CD53: variants seen among roughly 807,000 people sequenced by gnomAD.
CD53 encodes the protein leukocyte surface antigen CD53.
A neutral mutation model predicts 27.3 loss-of-function variants in CD53; 20 were observed. The observed-to-expected ratio is 0.73, with a 90% confidence interval of 0.52 to 1.07. CD53 has a LOEUF of 1.07. Among genes scored for constraint, CD53 ranks in the 50% least tolerant of loss-of-function variants. The pLI, the probability that CD53 is intolerant of heterozygous loss-of-function variation, is 0.00. For synonymous variants in CD53, 106 were observed against 105.3 expected, an observed-to-expected ratio of 1.01 and a Z score of -0.04; for missense variants, 216 against 264.0, an observed-to-expected ratio of 0.82 and a Z score of 1.26.
chr1:110,889,256 T>C (rs1656750458), intron 1 of CD53, among the ~76,000 whole-genome samples: 1 of 152,004 alleles, frequency 6.6e-6, no homozygotes. Flanking sequence ...ACAGAGTAGT[T>C]CTTTAAGACT....
intron 3 of CD53, among the ~76,000 whole-genome samples, 195 bp from the exon 4 acceptor site, chr1:110,894,132 G>A (rs1214445972): frequency 6.6e-6 from 1 of 152,210 alleles, no homozygotes; most frequent in East Asian, 1.9e-4. Context: ...GAAGACAGTT[G>A]ATCTGCCCTC....
At chr1:110,896,243 G>A (rs1225914327) in intron 5 of CD53, among the ~76,000 whole-genome samples, 1 of 152,180 alleles carries the variant, frequency 6.6e-6, no homozygotes, top group Non-Finnish European at 1.5e-5. Flanking sequence ...AAAGTTTGAT[G>A]TGGTTTTTGT....
intron 5 of CD53, among the ~76,000 whole-genome samples, chr1:110,895,963 C>A (rs1657044051): frequency 1.3e-5 from 2 of 152,132 alleles, no homozygotes; most frequent in African/African-American, 4.8e-5. Flanking sequence ...CTAATAAAGT[C>A]TATAATTAAA....
At chr1:110,893,194 G>C (rs12119975) in intron 3 of CD53, among the ~76,000 whole-genome samples, 1 of 152,076 alleles carries the variant, frequency 6.6e-6, no homozygotes, top group African/African-American at 2.4e-5. Flanking sequence ...ACAGAGCTTG[G>C]TGTAACAGTG....
intron 1 of CD53, among the ~76,000 whole-genome samples, chr1:110,889,420 G>A (rs1029884006): frequency 3.4e-4 from 52 of 152,108 alleles, no homozygotes; most frequent in Middle Eastern, 6.8e-3. Context: ...TTAGCCGGGC[G>A]TGGTGACGGG....
chr1:110,894,505 G>T, intron 4 of CD53, 104 bp downstream of exon 4: 1 of 893,900 alleles, frequency 1.1e-6, no homozygotes, highest in Non-Finnish European at 1.8e-6. Flanking sequence ...AATAGAGATA[G>T]AAATGAAGTG....
chr1:110,894,968 G>T lies in CD53; in HGVS notation c.336G>T (p.Glu112Asp). The change falls in exon 5 of 8, where the codon GAG (glutamate) becomes GAT (aspartate). Residue 112 changes from glutamate to aspartate, a missense_variant. By Grantham distance (45) the Glu-to-Asp change is conservative. Transcript: ENST00000271324. ...LLFVYEQKLN[E>D]YVAKGLTDSI... Reference sequence around the variant, plus strand: ...GGAATGTGCCTGCCCAGCTGAATGAGTATGTGGCTAAGGGTCTGACCGACA... The same window carrying T: ...GGAATGTGCCTGCCCAGCTGAATGATTATGTGGCTAAGGGTCTGACCGACA... The T allele has an allele frequency of 6.2e-7, 1 of 1,613,702 alleles. No homozygotes were observed. Among genetic ancestry groups the T allele is most frequent in the Non-Finnish European group, 8.5e-7 (1 of 1,179,646 alleles).
intron 1 of CD53, among the ~76,000 whole-genome samples, chr1:110,876,035 C>A (rs1406524563): frequency 1.3e-5 from 2 of 152,150 alleles, no homozygotes; most frequent in Non-Finnish European, 2.9e-5. Flanking sequence ...ATGACACAAG[C>A]ATACATTTTT....
intron 1 of CD53, among the ~76,000 whole-genome samples, chr1:110,888,345 T>C (rs1303136546): frequency 6.6e-6 from 1 of 152,204 alleles, no homozygotes; most frequent in Non-Finnish European, 1.5e-5. Flanking sequence ...CTGTAAACCC[T>C]AGCTGCCTTG....
At chr1:110,888,935 T>C (rs1656735429) in intron 1 of CD53, among the ~76,000 whole-genome samples, 1 of 152,210 alleles carries the variant, frequency 6.6e-6, no homozygotes, top group Admixed American at 6.5e-5. Context: ...CCATGAAATA[T>C]TCTTTGATCA....
intron 6 of CD53, chr1:110,897,554 T>C: frequency 3.2e-6 from 1 of 316,758 alleles, no homozygotes; most frequent in Admixed American, 4.8e-5. Context: ...TAGAAGCTAG[T>C]TTAACTCAGC....
intron 1 of CD53, among the ~76,000 whole-genome samples, chr1:110,882,250 C>T (rs1313824675): frequency 6.6e-6 from 1 of 152,070 alleles, no homozygotes. Flanking sequence ...TATGATTCAT[C>T]ACTAGTTACG....
chr1:110,880,724 G>A (rs2101043084), intron 1 of CD53, among the ~76,000 whole-genome samples: 1 of 152,286 alleles, frequency 6.6e-6, no homozygotes, highest in South Asian at 2.1e-4. Context: ...ATGAGGCTTT[G>A]AGAATTCAAA....
At chr1:110,881,076 C>T (rs543247026) in intron 1 of CD53, among the ~76,000 whole-genome samples, 1 of 152,230 alleles carries the variant, frequency 6.6e-6, no homozygotes, top group East Asian at 1.9e-4. Flanking sequence ...GGGGTGTTGC[C>T]ATGAGTGTGG....
Position 110,885,792 on chromosome 1 carries a change from A to T in CD53, c.-17-5600A>T, listed in dbSNP as rs1441557917. Among the ~76,000 whole-genome samples, 5 of 151,710 alleles carry T rather than the reference A, an allele frequency of 3.3e-5. No individual in the cohort carries two copies. The East Asian group carries it at 9.7e-4, about 29-fold the overall frequency. ...GGCATGAGAATTTCTTGAACCTGAGAGGCGGAGGTTGCAGTGAGCCGAGAT... is the reference window on the plus strand; with the variant it reads ...GGCATGAGAATTTCTTGAACCTGAGTGGCGGAGGTTGCAGTGAGCCGAGAT... On this transcript the variant is annotated intron_variant, in intron 1 of 7. Transcript: ENST00000271324.
chr1:110,877,274 T>C (rs896355855), intron 1 of CD53, among the ~76,000 whole-genome samples: 1 of 152,232 alleles, frequency 6.6e-6, no homozygotes, highest in African/African-American at 2.4e-5. Flanking sequence ...ATTCAGGTTA[T>C]TTAAATTTTT....
chr1:110,885,996 A>G (rs1249541307), intron 1 of CD53, among the ~76,000 whole-genome samples: 1 of 152,038 alleles, frequency 6.6e-6, no homozygotes, highest in Non-Finnish European at 1.5e-5. Context: ...ATCTGGTCTC[A>G]TTTTTCTTCT....
chr1:110,880,542 C>T (rs767576752), intron 1 of CD53, among the ~76,000 whole-genome samples: 1 of 152,054 alleles, frequency 6.6e-6, no homozygotes, highest in Non-Finnish European at 1.5e-5. Flanking sequence ...GATGTTGGGG[C>T]TGATGTGACT....
intron 1 of CD53, among the ~76,000 whole-genome samples, chr1:110,881,477 A>G (rs565537648): frequency 3.1e-4 from 47 of 152,302 alleles, no homozygotes; most frequent in African/African-American, 1.1e-3. Context: ...GTAAAATTAT[A>G]CCACTATTTA....
Sources: gnomAD v4.1 joint callset for allele counts (sites outside exome capture counted in the v4.1 genomes callset) on GRCh38, gnomAD v4.1.1 for gene constraint, MANE v1.5 for transcripts, NCBI Gene and HGNC (gene_info 2026-07-23, HGNC 2026-07-21) for gene names.